The following NIPBL variants were observed in gnomAD, a reference collection of about 807,000 sequenced individuals.
NIPBL encodes the protein NIPBL cohesin loading factor, also known as nipped-B-like protein.
NIPBL carries 19 observed loss-of-function variants against 321.8 expected under a neutral mutation model. That is an observed-to-expected ratio of 0.06 (90% CI 0.04 to 0.09). The LOEUF is 0.09. Among genes scored for constraint, NIPBL ranks in the 10% least tolerant of loss-of-function variants. NIPBL has a pLI of 1.00. For missense variants in NIPBL, 2,210 were observed against 3,327.0 expected, an observed-to-expected ratio of 0.66 and a Z score of 8.26; for synonymous variants, 1,106 against 1,114.1, an observed-to-expected ratio of 0.99 and a Z score of 0.14.
chr5:37,005,223 T>G (rs771445849), intron 16 of NIPBL, among the ~76,000 whole-genome samples: 1 of 152,202 alleles, frequency 6.6e-6, no homozygotes, highest in Non-Finnish European at 1.5e-5. Flanking sequence ...CTCAGGTGGT[T>G]GTTTTCTGGA....
chr5:37,010,380 A>G (rs936037902), intron 21 of NIPBL, among the ~76,000 whole-genome samples, 155 bp downstream of exon 21: 2 of 151,912 alleles, frequency 1.3e-5, no homozygotes, highest in African/African-American at 4.8e-5. Flanking sequence ...CAGTGGCGCG[A>G]TCTCGGCTCA....
intron 1 of NIPBL, among the ~76,000 whole-genome samples, chr5:36,899,042 C>T (rs1050068426): frequency 5.3e-5 from 8 of 152,042 alleles, no homozygotes; most frequent in African/African-American, 1.9e-4. Context: ...TTTGGGAAAT[C>T]GAAGAAAACA....
intron 8 of NIPBL, among the ~76,000 whole-genome samples, chr5:36,973,715 C>T (rs934887943): frequency 4.6e-5 from 7 of 152,062 alleles, no homozygotes; most frequent in East Asian, 1.9e-4. Flanking sequence ...GTGATCTGCC[C>T]GCCTCGGCCT....
Position 36,918,436 on chromosome 5 carries a change from G to C in NIPBL, c.-79-35182G>C, listed in dbSNP as rs370415663. 6.4e-4 allele frequency among the ~76,000 whole-genome samples: 98 copies of C among 152,178 alleles called. No homozygotes were observed. In the South Asian group the frequency reaches 0.011, roughly 17 times the overall value. ...AAGGAGATTTTGGTCTGAGATGATG[G>C]GGTTTTCTAAATATACAGTCATGTC... On this transcript the variant is annotated intron_variant, in intron 1 of 46. Transcript: ENST00000282516.
Position 37,011,693 on chromosome 5 carries a change from C to A in NIPBL, c.4560+1468C>A, listed in dbSNP as rs562545148. 9.7e-3 allele frequency among the ~76,000 whole-genome samples: 1,479 copies of A among 152,120 alleles called. 22 individuals carry two copies. The highest frequency in any genetic ancestry group is 0.034 in the African/African-American group (1,411 of 41,472). ...GGTGACAAGTATCATGAATATGTTT[C>A]TTTCTTTCTTTTAATTATTTTTATG... On this transcript the variant is annotated intron_variant, in intron 21 of 46. Transcript: ENST00000282516.
chr5:36,936,639 C>G (rs950429950), intron 1 of NIPBL, among the ~76,000 whole-genome samples: 3 of 152,068 alleles, frequency 2.0e-5, no homozygotes, highest in Admixed American at 2.0e-4. Flanking sequence ...AGGATATGCC[C>G]AGAATTCTCA....
intron 1 of NIPBL, among the ~76,000 whole-genome samples, chr5:36,883,885 ATTAT>A (rs1310174189): frequency 6.6e-6 from 1 of 151,214 alleles, no homozygotes; most frequent in East Asian, 1.9e-4. Flanking sequence ...AACTCCATTT[ATTAT>A]TTATTTATTT....
chr5:37,047,567 G>T (rs972454988), intron 38 of NIPBL, among the ~76,000 whole-genome samples: 1 of 152,164 alleles, frequency 6.6e-6, no homozygotes, highest in African/African-American at 2.4e-5. Context: ...CAGATATTCA[G>T]TCTGGACATA....
At chr5:36,904,357 T>C (rs1332259722) in intron 1 of NIPBL, among the ~76,000 whole-genome samples, 2 of 152,084 alleles carry the variant, frequency 1.3e-5, no homozygotes, top group Non-Finnish European at 2.9e-5. Flanking sequence ...GTAATCCCAC[T>C]ACTTGGGAGG....
chr5:37,028,186 A>AT (rs1561181516), intron 32 of NIPBL, among the ~76,000 whole-genome samples: 2 of 151,912 alleles, frequency 1.3e-5, no homozygotes, highest in African/African-American at 2.4e-5. Context: ...GAATTGTTAA[A>AT]TTTTTTATTT....
At chr5:36,917,662 A>T (rs1304982281) in intron 1 of NIPBL, among the ~76,000 whole-genome samples, 2 of 152,210 alleles carry the variant, frequency 1.3e-5, no homozygotes, top group East Asian at 3.9e-4. Context: ...TTTAGGTCTA[A>T]CATTTAAGTC....
intron 38 of NIPBL, among the ~76,000 whole-genome samples, chr5:37,047,224 C>G (rs906528471): frequency 2.0e-5 from 3 of 152,024 alleles, no homozygotes; most frequent in Non-Finnish European, 2.9e-5. Flanking sequence ...CCATGGATAC[C>G]GAGCAATGAC....
At chr5:36,888,939 C>T (rs2149521991) in intron 1 of NIPBL, among the ~76,000 whole-genome samples, 1 of 152,056 alleles carries the variant, frequency 6.6e-6, no homozygotes, top group African/African-American at 2.4e-5. Flanking sequence ...GTGCCAAGTA[C>T]CATATTTTGG....
chr5:37,006,721 C>A, intron 17 of NIPBL, 133 bp downstream of exon 17: 1 of 632,204 alleles, frequency 1.6e-6, no homozygotes, highest in Non-Finnish European at 2.8e-6. Flanking sequence ...ATGGATTTGA[C>A]TAGAATATAG....
intron 42 of NIPBL, among the ~76,000 whole-genome samples, chr5:37,056,934 T>G (rs1225601100): frequency 6.6e-6 from 1 of 152,092 alleles, no homozygotes; most frequent in Non-Finnish European, 1.5e-5. Context: ...TTTATAAAAT[T>G]CCATTTCTGT....
At chr5:36,947,476 T>A (rs992496114) in intron 1 of NIPBL, among the ~76,000 whole-genome samples, 4 of 152,038 alleles carry the variant, frequency 2.6e-5, no homozygotes, top group African/African-American at 7.2e-5. Flanking sequence ...GAAAAAGATA[T>A]CAACATTATG....
intron 1 of NIPBL, among the ~76,000 whole-genome samples, chr5:36,914,910 G>A (rs558642973): frequency 1.5e-4 from 23 of 152,174 alleles, no homozygotes; most frequent in African/African-American, 5.3e-4. Flanking sequence ...TAAATTTAAT[G>A]ATAGCTACAT....
At chr5:37,056,113 T>A (rs1401939107) in intron 42 of NIPBL, among the ~76,000 whole-genome samples, 3 of 152,208 alleles carry the variant, frequency 2.0e-5, no homozygotes, top group Admixed American at 6.5e-5. Flanking sequence ...CAATATTATA[T>A]GAGTTTTGAA....
At chr5:36,963,979 G>A (rs1278156730) in intron 6 of NIPBL, among the ~76,000 whole-genome samples, 3 of 152,120 alleles carry the variant, frequency 2.0e-5, no homozygotes, top group Non-Finnish European at 4.4e-5. Context: ...ACATGAATGT[G>A]TGTAAAACAG....
Sources: gnomAD v4.1 joint callset for allele counts (sites outside exome capture counted in the v4.1 genomes callset) on GRCh38, gnomAD v4.1.1 for gene constraint, MANE v1.5 for transcripts, NCBI Gene and HGNC (gene_info 2026-07-23, HGNC 2026-07-21) for gene names.